The following ZNF385B variants were observed in gnomAD, a reference collection of about 807,000 sequenced individuals.
ZNF385B encodes the protein zinc finger protein 533.
In ZNF385B, 23 loss-of-function variants were observed where a neutral mutation model predicts 39.2. The observed-to-expected ratio is 0.59, with a 90% CI of 0.42 to 0.83. ZNF385B has a LOEUF of 0.83. ZNF385B is among the 40% of genes least tolerant of loss of function. ZNF385B has a pLI of 0.00. For synonymous variants in ZNF385B, 205 were observed against 222.6 expected, an observed-to-expected ratio of 0.92 and a Z score of 0.70; for missense variants, 552 against 598.9, an observed-to-expected ratio of 0.92 and a Z score of 0.82.
At chr2:179,684,009 T>C (rs1697736963) in intron 3 of ZNF385B, among the ~76,000 whole-genome samples, 1 of 152,124 alleles carries the variant, frequency 6.6e-6, no homozygotes, top group Admixed American at 6.6e-5. Context: ...ATAAGAAACG[T>C]TATAAATTTA....
intron 3 of ZNF385B, among the ~76,000 whole-genome samples, chr2:179,594,112 ATTCAC>A (rs1342669813): frequency 8.5e-5 from 13 of 152,208 alleles, no homozygotes; most frequent in African/African-American, 3.1e-4. Context: ...AGTTAAAAAA[ATTCAC>A]TTCACTCCCC....
At chr2:179,558,647 C>G (rs2061115299) in intron 3 of ZNF385B, among the ~76,000 whole-genome samples, 1 of 152,122 alleles carries the variant, frequency 6.6e-6, no homozygotes, top group South Asian at 2.1e-4. Context: ...TAAATAGAAA[C>G]AGTAAAATCT....
chr2:179,478,200 T>C (rs2053630736), intron 6 of ZNF385B, among the ~76,000 whole-genome samples: 1 of 152,186 alleles, frequency 6.6e-6, no homozygotes, highest in Non-Finnish European at 1.5e-5. Context: ...GGGAGCAGCT[T>C]GAAGGTGATG....
chr2:179,478,324 T>A (rs569508397), intron 6 of ZNF385B, among the ~76,000 whole-genome samples: 1 of 152,360 alleles, frequency 6.6e-6, no homozygotes, highest in East Asian at 1.9e-4. Flanking sequence ...GTTGCACCCA[T>A]ATGTACTATG....
At chr2:179,693,574 G>A (rs369958555) in intron 3 of ZNF385B, among the ~76,000 whole-genome samples, 2 of 152,224 alleles carry the variant, frequency 1.3e-5, no homozygotes, top group South Asian at 2.1e-4. Flanking sequence ...CTTAGAGTTC[G>A]ATAACTAATT....
intron 3 of ZNF385B, among the ~76,000 whole-genome samples, chr2:179,565,604 C>T (rs868273): frequency 6.6e-6 from 1 of 152,052 alleles, no homozygotes; most frequent in Admixed American, 6.5e-5. Context: ...CCTTACACTT[C>T]GTAGTTGCTC....
chr2:179,474,221 T>A (rs571220230), intron 6 of ZNF385B, among the ~76,000 whole-genome samples: 35 of 152,240 alleles, frequency 2.3e-4, no homozygotes, highest in South Asian at 8.3e-4. Flanking sequence ...TCAAAAAGCA[T>A]AAGCAGTAAG....
At chr2:179,665,982 A>T (rs1695100204) in intron 3 of ZNF385B, among the ~76,000 whole-genome samples, 1 of 152,176 alleles carries the variant, frequency 6.6e-6, no homozygotes, top group Admixed American at 6.5e-5. Flanking sequence ...GCTGGGAGGA[A>T]TGTGTTTTTC....
intron 3 of ZNF385B, among the ~76,000 whole-genome samples, chr2:179,732,755 C>T (rs2106431846): frequency 6.6e-6 from 1 of 152,282 alleles, no homozygotes; most frequent in African/African-American, 2.4e-5. Context: ...AAGGTAAGAT[C>T]ACCCAGTGTT....
intron 3 of ZNF385B, among the ~76,000 whole-genome samples, chr2:179,607,110 G>A (rs1050979283): frequency 1.1e-4 from 17 of 152,146 alleles, no homozygotes; most frequent in Admixed American, 1.0e-3. Context: ...CAAAATAGAC[G>A]TGTGCAGGGT....
At chr2:179,570,213 C>T (rs1685053772) in intron 3 of ZNF385B, among the ~76,000 whole-genome samples, 1 of 152,148 alleles carries the variant, frequency 6.6e-6, no homozygotes, top group Non-Finnish European at 1.5e-5. Flanking sequence ...ACCAACGTAC[C>T]ACTCCTGCAA....
chr2:179,539,915 G>A (rs1367649992), intron 4 of ZNF385B, among the ~76,000 whole-genome samples: 1 of 151,746 alleles, frequency 6.6e-6, no homozygotes. Flanking sequence ...GGCACAAGGG[G>A]GTTTTTGTTT....
intron 3 of ZNF385B, among the ~76,000 whole-genome samples, chr2:179,715,042 C>A (rs1428753583): frequency 6.6e-6 from 1 of 151,280 alleles, no homozygotes; most frequent in Non-Finnish European, 1.5e-5. Context: ...TTTATACCTA[C>A]CCCCAAACCA....
At chr2:179,665,611 C>T (rs761416559) in intron 3 of ZNF385B, among the ~76,000 whole-genome samples, 2 of 152,214 alleles carry the variant, frequency 1.3e-5, no homozygotes, top group Non-Finnish European at 2.9e-5. Context: ...GTATAATCAA[C>T]ATGGTTCGAA....
chr2:179,678,163 G>A (rs1239530871), intron 3 of ZNF385B, among the ~76,000 whole-genome samples: 2 of 152,116 alleles, frequency 1.3e-5, no homozygotes, highest in African/African-American at 4.8e-5. Flanking sequence ...TCTTGTGTTG[G>A]ATATATGAGA....
At chr2:179,550,753 A>G (rs1559460170) in intron 3 of ZNF385B, among the ~76,000 whole-genome samples, 1 of 149,222 alleles carries the variant, frequency 6.7e-6, no homozygotes, top group Non-Finnish European at 1.5e-5. Flanking sequence ...TGAACAAGTT[A>G]TTTCATGCTC....
chr2:179,840,361 G>A (rs1708477512), intron 1 of ZNF385B, among the ~76,000 whole-genome samples: 1 of 152,170 alleles, frequency 6.6e-6, no homozygotes, highest in Non-Finnish European at 1.5e-5. Context: ...TGAATACTAT[G>A]CAAAGGAGCT....
chr2:179,627,008 ATACT>A (rs918963419), intron 3 of ZNF385B, among the ~76,000 whole-genome samples: 2 of 152,212 alleles, frequency 1.3e-5, no homozygotes, highest in Non-Finnish European at 2.9e-5. Flanking sequence ...GTCTAAGATA[ATACT>A]TAATTGTTAC....
chr2:179,511,599 A>G (rs951870901), intron 5 of ZNF385B, among the ~76,000 whole-genome samples: 1 of 152,178 alleles, frequency 6.6e-6, no homozygotes, highest in Non-Finnish European at 1.5e-5. Flanking sequence ...TCATTGAACG[A>G]CTGCAGTTTC....
Sources: allele counts gnomAD v4.1 joint callset (sites outside exome capture counted in the v4.1 genomes callset), GRCh38; gene constraint gnomAD v4.1.1; transcripts MANE v1.5; gene names NCBI Gene and HGNC (gene_info 2026-07-23, HGNC 2026-07-21).